NUP54: variants seen among roughly 807,000 people sequenced by gnomAD.
NUP54 encodes nucleoporin 54.
NUP54 carries 27 observed loss-of-function variants against 66.4 expected under a neutral mutation model. The ratio of observed to expected loss-of-function variants is 0.41; its 90% confidence interval spans 0.30 to 0.56. The LOEUF is 0.56. Among genes scored for constraint, NUP54 ranks in the 20% least tolerant of loss-of-function variants. The probability of loss-of-function intolerance (pLI) is 0.34; values close to 1 mark genes in which losing one functional copy is unlikely to be tolerated. For missense variants in NUP54, 486 were observed against 596.3 expected (o/e 0.82, Z 1.93); for synonymous variants, 206 against 210.7 (o/e 0.98, Z 0.19).
chr4:76,147,214 A>ATATAT (rs10660164), intron 1 of NUP54, among the ~76,000 whole-genome samples: 19,988 of 152,170 alleles, frequency 0.13, 1,530 homozygotes, highest in East Asian at 0.35. Flanking sequence ...AATTTTAAAG[A>ATATAT]TCTATTCAAA....
At chr4:76,122,009 T>C (rs1286702662) in intron 9 of NUP54, among the ~76,000 whole-genome samples, 1 of 152,246 alleles carries the variant, frequency 6.6e-6, no homozygotes, top group African/African-American at 2.4e-5. Context: ...GATGATAATA[T>C]TGGGTGTCCG....
chr4:76,125,320 A>T (rs1245848814), intron 8 of NUP54, among the ~76,000 whole-genome samples: 1 of 115,054 alleles, frequency 8.7e-6, no homozygotes, highest in Non-Finnish European at 1.8e-5. Flanking sequence ...ACTCCATCAC[A>T]CACACACACA....
chr4:76,117,892 T>A, intron 10 of NUP54, 118 bp from the exon 11 acceptor site: 1 of 999,408 alleles, frequency 1.0e-6, no homozygotes, highest in East Asian at 2.4e-5. Context: ...TCTCTCTCTG[T>A]ACATTATATT....
At chr4:76,129,470 G>A (rs62300570) in intron 8 of NUP54, among the ~76,000 whole-genome samples, 20,041 of 152,114 alleles carry the variant, frequency 0.13, 1,549 homozygotes, top group East Asian at 0.35. Flanking sequence ...ACAGAACTGA[G>A]CAATACTATC....
At chr4:76,124,938 A>G (rs1476341760) in intron 8 of NUP54, among the ~76,000 whole-genome samples, 182 bp from the exon 9 acceptor site, 1 of 152,188 alleles carries the variant, frequency 6.6e-6, no homozygotes, top group Non-Finnish European at 1.5e-5. Context: ...AAATTTTTTT[A>G]AAAGAATCAT....
At chr4:76,115,567 A>G in intron 11 of NUP54, 73 bp from the exon 12 acceptor site, 1 of 1,254,824 alleles carries the variant, frequency 8.0e-7, no homozygotes, top group Non-Finnish European at 1.1e-6. Context: ...AGGAAAAAAG[A>G]CTCCACTTTG....
chr4:76,122,605 A>G (rs1730284536), intron 9 of NUP54, among the ~76,000 whole-genome samples: 1 of 152,232 alleles, frequency 6.6e-6, no homozygotes, highest in Non-Finnish European at 1.5e-5. Flanking sequence ...TGCTACAAAC[A>G]GAAATGTAAA....
chr4:76,140,418 T>G (rs913823677), intron 3 of NUP54, among the ~76,000 whole-genome samples: 3 of 151,550 alleles, frequency 2.0e-5, no homozygotes, highest in African/African-American at 7.3e-5. Context: ...CCCGAGTAAC[T>G]GGGACTACAG....
intron 11 of NUP54, among the ~76,000 whole-genome samples, chr4:76,117,320 T>C (rs11723400): frequency 0.32 from 48,254 of 152,120 alleles, 8,177 homozygotes; most frequent in East Asian, 0.71. Flanking sequence ...TTCTCTATTC[T>C]TTGATTGATT....
intron 4 of NUP54, among the ~76,000 whole-genome samples, chr4:76,135,145 T>G (rs1730984727): frequency 6.6e-6 from 1 of 152,178 alleles, no homozygotes; most frequent in Admixed American, 6.5e-5. Context: ...GACAGTCAAC[T>G]TACAAATACT....
intron 3 of NUP54, among the ~76,000 whole-genome samples, chr4:76,141,822 G>A (rs1443703343): frequency 6.6e-6 from 1 of 152,004 alleles, no homozygotes; most frequent in Non-Finnish European, 1.5e-5. Context: ...TATAAGGCAC[G>A]CTAATAATCC....
intron 3 of NUP54, 158 bp downstream of exon 3, chr4:76,143,991 G>T: frequency 1.4e-6 from 1 of 716,064 alleles, no homozygotes; most frequent in Non-Finnish European, 2.3e-6. Context: ...GTTCTCCCCA[G>T]TTGCTATCAT....
intron 1 of NUP54, chr4:76,147,955 A>C: frequency 3.1e-6 from 1 of 324,298 alleles, no homozygotes; most frequent in Non-Finnish European, 5.8e-6. Flanking sequence ...GTTCCCGCCC[A>C]TCCAGGAGGC....
At chr4:76,128,336 CA>C (rs1730631760) in intron 8 of NUP54, among the ~76,000 whole-genome samples, 1 of 148,570 alleles carries the variant, frequency 6.7e-6, no homozygotes, top group Admixed American at 6.8e-5. Flanking sequence ...ACCACCACCA[CA>C]AGCCACTACT....
At chr4:76,138,343 G>A (rs1234441665) in intron 3 of NUP54, among the ~76,000 whole-genome samples, 2 of 151,598 alleles carry the variant, frequency 1.3e-5, no homozygotes, top group East Asian at 1.9e-4. Flanking sequence ...TATTCCTTTG[G>A]CCCCCAAAGA....
intron 3 of NUP54, among the ~76,000 whole-genome samples, chr4:76,139,328 G>A (rs1005557983): frequency 2.6e-5 from 4 of 152,154 alleles, no homozygotes; most frequent in African/African-American, 4.8e-5. Flanking sequence ...TCAACGTGAC[G>A]TGATATGAAG....
At chr4:76,119,746 G>C (rs1333320612) in intron 9 of NUP54, among the ~76,000 whole-genome samples, 1 of 152,034 alleles carries the variant, frequency 6.6e-6, no homozygotes, top group Admixed American at 6.5e-5. Flanking sequence ...TCTAAAGGCA[G>C]ACTCTTGGTT....
chr4:76,119,029 T>C (rs1373276653), intron 9 of NUP54, among the ~76,000 whole-genome samples: 3 of 151,974 alleles, frequency 2.0e-5, no homozygotes, highest in African/African-American at 7.2e-5. Context: ...ACAAAAACTA[T>C]GGTATGGCTT....
chr4:76,141,034 T>G (rs558476799), intron 3 of NUP54, among the ~76,000 whole-genome samples: 4 of 152,312 alleles, frequency 2.6e-5, no homozygotes, highest in African/African-American at 9.6e-5. Flanking sequence ...TGCTTTGGCT[T>G]GGAAAGGACT....
Sources: allele counts gnomAD v4.1 joint callset (sites outside exome capture counted in the v4.1 genomes callset), GRCh38; gene constraint gnomAD v4.1.1; transcripts MANE v1.5; gene names NCBI Gene and HGNC (gene_info 2026-07-23, HGNC 2026-07-21).